Variants in ADAM12 observed in about 807,000 individuals in gnomAD.
ADAM12 encodes the protein disintegrin and metalloproteinase domain-containing protein 12.
In ADAM12, 70 loss-of-function variants were observed where a neutral mutation model predicts 106.4. The ratio of observed to expected loss-of-function variants is 0.66; its 90% confidence interval spans 0.54 to 0.80. The LOEUF is 0.80. Among genes scored for constraint, ADAM12 ranks in the 30% least tolerant of loss-of-function variants. The pLI is 0.00. For synonymous variants in ADAM12, 420 were observed against 433.5 expected, an observed-to-expected ratio of 0.97 and a Z score of 0.39; for missense variants, 1,010 against 1,171.9, an observed-to-expected ratio of 0.86 and a Z score of 2.02.
intron 21 of ADAM12, among the ~76,000 whole-genome samples, chr10:126,027,594 TA>T (rs1297927671): frequency 6.7e-6 from 1 of 149,946 alleles, no homozygotes; most frequent in Non-Finnish European, 1.5e-5. Flanking sequence ...ATTCATCACA[TA>T]AACAGAACTA....
At chr10:126,182,597 TGAGA>T (rs912699483) in intron 3 of ADAM12, among the ~76,000 whole-genome samples, 1 of 151,120 alleles carries the variant, frequency 6.6e-6, no homozygotes, top group African/African-American at 2.4e-5. Context: ...ATCAGGCACA[TGAGA>T]GAGAGAGAGA....
intron 1 of ADAM12, among the ~76,000 whole-genome samples, chr10:126,385,949 C>T (rs545705722): frequency 2.0e-5 from 3 of 152,136 alleles, no homozygotes; most frequent in African/African-American, 4.8e-5. Context: ...CCAGTAGGCC[C>T]GTTGGGTAAG....
At chr10:126,125,839 A>G (rs2133647584) in intron 5 of ADAM12, among the ~76,000 whole-genome samples, 1 of 151,796 alleles carries the variant, frequency 6.6e-6, no homozygotes, top group Admixed American at 6.6e-5. Flanking sequence ...GAAGAGACCG[A>G]AGAGGAGACA....
At chr10:126,117,857 G>T (rs1481758963) in intron 6 of ADAM12, among the ~76,000 whole-genome samples, 181 bp downstream of exon 6, 2 of 151,862 alleles carry the variant, frequency 1.3e-5, no homozygotes, top group African/African-American at 4.8e-5. Flanking sequence ...CAGTGATGGG[G>T]ATTTGGCTTA....
chr10:126,241,498 C>T (rs975290456), intron 3 of ADAM12, among the ~76,000 whole-genome samples: 19 of 152,240 alleles, frequency 1.2e-4, no homozygotes, highest in African/African-American at 4.6e-4. Flanking sequence ...TGCGCTCAAA[C>T]TGGCAGAATT....
At chr10:126,086,332 C>T (rs1034618871) in intron 11 of ADAM12, among the ~76,000 whole-genome samples, 13 of 151,848 alleles carry the variant, frequency 8.6e-5, no homozygotes, top group Admixed American at 3.9e-4. Flanking sequence ...CTACTTAGGT[C>T]GGTCTGGAAA....
chr10:126,240,167 A>C (rs1468397235), intron 3 of ADAM12, among the ~76,000 whole-genome samples: 1 of 152,268 alleles, frequency 6.6e-6, no homozygotes, highest in African/African-American at 2.4e-5. Flanking sequence ...CTGGCTGAGC[A>C]CTGTCCTTGC....
At chr10:126,274,930 CCTTT>C (rs1959209610) in intron 3 of ADAM12, among the ~76,000 whole-genome samples, 1 of 152,164 alleles carries the variant, frequency 6.6e-6, no homozygotes, top group Non-Finnish European at 1.5e-5. Context: ...TTTAAAATGC[CCTTT>C]CTGTTATTGT....
intron 21 of ADAM12, among the ~76,000 whole-genome samples, chr10:126,022,832 A>T (rs1193324027): frequency 1.3e-5 from 2 of 152,256 alleles, no homozygotes; most frequent in African/African-American, 4.8e-5. Flanking sequence ...TCTTCCAGAT[A>T]TTGAAGAAAA....
chr10:126,251,863 GATGGATGGATGGGATGGATGCA>G (rs1958775956), intron 3 of ADAM12, among the ~76,000 whole-genome samples: 1 of 1,532 alleles, frequency 6.5e-4, no homozygotes, highest in African/African-American at 2.9e-3. Context: ...GGATAGGACA[GATGGATGGATGGGATGGATGCA>G]ATGGATGGAT....
chr10:126,074,436 G>A (rs59951847), intron 11 of ADAM12, among the ~76,000 whole-genome samples: 1,797 of 152,224 alleles, frequency 0.012, 36 homozygotes, highest in African/African-American at 0.04. Flanking sequence ...TTTTTTGGGG[G>A]TTTCCCATCC....
At chr10:126,363,641 C>T (rs950727827) in intron 1 of ADAM12, among the ~76,000 whole-genome samples, 4 of 152,138 alleles carry the variant, frequency 2.6e-5, no homozygotes, top group African/African-American at 9.7e-5. Flanking sequence ...TGTTCTTATG[C>T]CTCTGCCTTC....
At chr10:126,250,244 C>G (rs779967518) in intron 3 of ADAM12, among the ~76,000 whole-genome samples, 12 of 152,166 alleles carry the variant, frequency 7.9e-5, no homozygotes, top group Non-Finnish European at 1.6e-4. Flanking sequence ...CCCTCCAGAG[C>G]TGACACTCAC....
At chr10:126,102,810 G>A (rs763112256) in intron 8 of ADAM12, among the ~76,000 whole-genome samples, 1 of 152,182 alleles carries the variant, frequency 6.6e-6, no homozygotes, top group East Asian at 1.9e-4. Context: ...CCAGGCTTCC[G>A]GGGCGAAAGT....
At chr10:126,022,673 G>A (rs1590295721) in intron 21 of ADAM12, among the ~76,000 whole-genome samples, 2 of 152,222 alleles carry the variant, frequency 1.3e-5, no homozygotes, top group Admixed American at 1.3e-4. Context: ...CTCTCCCAGA[G>A]AAGTCCAGTG....
chr10:126,107,768 C>T (rs72841007), intron 8 of ADAM12, among the ~76,000 whole-genome samples: 61 of 152,300 alleles, frequency 4.0e-4, no homozygotes, highest in African/African-American at 7.5e-4. Context: ...ACCTCCCCCC[C>T]GCCCTGCCCC....
chr10:126,362,391 TAATATTACCATATGACCCTGC>T (rs1855771568), intron 1 of ADAM12, among the ~76,000 whole-genome samples: 4 of 152,010 alleles, frequency 2.6e-5, no homozygotes, highest in Admixed American at 2.0e-4. Context: ...TTCCTCAAAA[TAATATTACCATATGACCCTGC>T]AATATTACCA....
chr10:126,352,742 G>C (rs1026621322), intron 1 of ADAM12, among the ~76,000 whole-genome samples: 23 of 152,106 alleles, frequency 1.5e-4, no homozygotes, highest in Non-Finnish European at 3.4e-4. Flanking sequence ...CTGAGCAGGG[G>C]AAGGGCTGGG....
chr10:126,026,630 C>T (rs1953878370), intron 21 of ADAM12, among the ~76,000 whole-genome samples: 2 of 152,204 alleles, frequency 1.3e-5, no homozygotes, highest in Admixed American at 1.3e-4. Flanking sequence ...CTCAAAACCA[C>T]ACAACTCCAT....
Sources: gnomAD v4.1 joint callset for allele counts (sites outside exome capture counted in the v4.1 genomes callset) on GRCh38, gnomAD v4.1.1 for gene constraint, MANE v1.5 for transcripts, NCBI Gene and HGNC (gene_info 2026-07-23, HGNC 2026-07-21) for gene names.